SRCIN1: variants seen among roughly 807,000 people sequenced by gnomAD.
SRCIN1 encodes the protein P130Cas-associated protein.
SRCIN1 carries 50 observed loss-of-function variants against 116.2 expected under a neutral mutation model. The ratio of observed to expected loss-of-function variants is 0.43; its 90% CI spans 0.34 to 0.54. The LOEUF is 0.54. Ranked by LOEUF, SRCIN1 falls within the 20% of genes least tolerant of loss-of-function variation. The pLI is 0.02. For synonymous variants in SRCIN1, 736 were observed against 750.0 expected (o/e 0.98, Z 0.30); for missense variants, 1,446 against 1,672.0 (o/e 0.86, Z 2.36).
Position 38,530,719 on chromosome 17 carries a change from C to T in SRCIN1, c.*2578G>A, listed in dbSNP as rs565179354. On this transcript the variant is annotated 3_prime_UTR_variant, in exon 19 of 19. Coordinates refer to ENST00000617146, the MANE Select transcript of SRCIN1 (RefSeq NM_025248.3). ...TCTCTATCCACATGTACGTGGCCCA[C>T]ACACAAGTCTCTGGCTCTCGGCATG... 2 of 152,440 alleles carry T rather than the reference C, an allele frequency of 1.3e-5. No individual in the cohort carries two copies. The highest frequency in any genetic ancestry group is 1.3e-4 in the Admixed American group (2 of 15,314). The allele number at this position is 152,440 out of a possible 1,614,324, so 9.4% of individuals were successfully genotyped here.
intron 1 of SRCIN1, among the ~76,000 whole-genome samples, chr17:38,593,686 G>A (rs1908565113): frequency 6.6e-6 from 1 of 152,122 alleles, no homozygotes; most frequent in African/African-American, 2.4e-5. Flanking sequence ...CTGGCCATCA[G>A]TGTTTTCATT....
At chr17:38,540,736 CAG>C (rs1491254561) in intron 18 of SRCIN1, among the ~76,000 whole-genome samples, 1 of 142,808 alleles carries the variant, frequency 7.0e-6, no homozygotes, top group Non-Finnish European at 1.5e-5. Context: ...TTTAAGCTGG[CAG>C]GGGTGTGTGT....
In SRCIN1 at chr17:38,558,147, C is replaced by T. The variant is rs566513648; in HGVS notation, c.2201+80G>A. The stretch of plus-strand genomic sequence containing the variant: ...CACCTGTGACTCAGAGGGAAGGGAG[C>T]TGCGCCTCCCAGGGAAACCAGGTTG... On this transcript the variant is annotated intron_variant, in intron 11 of 18. Coordinates refer to ENST00000617146, the MANE Select transcript of SRCIN1 (RefSeq NM_025248.3). This position sits in a 1 kb window ranked among gnomAD's most constrained non-coding sequence, Gnocchi z 4.6. 1.7e-5 allele frequency: 26 copies of T among 1,501,420 alleles called. No homozygotes were observed. In the Admixed American group the frequency reaches 4.5e-4, roughly 26 times the overall value. 93.0% of individuals were successfully genotyped at this position (1,501,420 alleles called of 1,614,324 possible).
chr17:38,578,851 C>T, intron 1 of SRCIN1, 60 bp from the exon 2 acceptor site: 1 of 1,431,740 alleles, frequency 7.0e-7, no homozygotes, highest in Non-Finnish European at 9.1e-7. Flanking sequence ...GGCTGCCCAT[C>T]CCCCAAGGGG....
chr17:38,540,929 T>C (rs1254305933), intron 18 of SRCIN1, among the ~76,000 whole-genome samples: 1 of 152,168 alleles, frequency 6.6e-6, no homozygotes, highest in Non-Finnish European at 1.5e-5. Flanking sequence ...TGCTTCTCTA[T>C]ACTTTACTGT....
chr17:38,553,316 G>A (rs943455482), intron 11 of SRCIN1, among the ~76,000 whole-genome samples: 1 of 152,154 alleles, frequency 6.6e-6, no homozygotes, highest in Admixed American at 6.5e-5. Context: ...AATCTGCAAC[G>A]CCAAATCTCA....
chr17:38,599,607 T>C (rs909405371), intron 1 of SRCIN1, among the ~76,000 whole-genome samples: 3 of 152,220 alleles, frequency 2.0e-5, no homozygotes, highest in Admixed American at 6.5e-5. Context: ...TTTATCTTCC[T>C]ATCTAACCTC....
chr17:38,555,069 A>C (rs967686983), intron 11 of SRCIN1, among the ~76,000 whole-genome samples: 1 of 152,210 alleles, frequency 6.6e-6, no homozygotes, highest in African/African-American at 2.4e-5. Flanking sequence ...TTACGCACTT[A>C]CTGTATGCCA....
chr17:38,567,548 T>G (rs764063771), intron 3 of SRCIN1, among the ~76,000 whole-genome samples: 2 of 152,046 alleles, frequency 1.3e-5, no homozygotes, highest in African/African-American at 2.4e-5. Flanking sequence ...TGCCTGGGAC[T>G]TGGGAGGCCA....
chr17:38,547,968 G>A (rs911823515), intron 17 of SRCIN1: 1 of 197,548 alleles, frequency 5.1e-6, no homozygotes, highest in African/African-American at 2.4e-5. Flanking sequence ...CACCCTTGGG[G>A]AGGGTGGCCT....
intron 1 of SRCIN1, among the ~76,000 whole-genome samples, chr17:38,597,799 A>G (rs1265037826): frequency 6.6e-6 from 1 of 152,020 alleles, no homozygotes; most frequent in African/African-American, 2.4e-5. Flanking sequence ...ATTATCTCCT[A>G]TGGGCAATAA....
intron 11 of SRCIN1, among the ~76,000 whole-genome samples, chr17:38,557,795 T>A (rs1431344456): frequency 6.6e-6 from 1 of 152,166 alleles, no homozygotes; most frequent in East Asian, 1.9e-4. Flanking sequence ...GGATCTCCAA[T>A]GATGGCTGGT....
Position 38,572,479 on chromosome 17 carries a change from C to A in SRCIN1, c.325-4248G>T, listed in dbSNP as rs1371099786. On this transcript the variant is annotated intron_variant, in intron 2 of 18. Coordinates refer to ENST00000617146, the MANE Select transcript of SRCIN1 (RefSeq NM_025248.3). The surrounding 1 kb of genome is among the most constrained non-coding windows in gnomAD (Gnocchi z 4.3). The stretch of plus-strand genomic sequence containing the variant: ...TGATTTTGGAGTGGGGGCCGGCCCA[C>A]GCCGAAGGCACCTAATGCGGTGGGG... 6.6e-6 allele frequency among the ~76,000 whole-genome samples: 1 copy of A among 151,982 alleles called. No individual in the cohort carries two copies. Among genetic ancestry groups the A allele is most frequent in the Admixed American group, 6.5e-5 (1 of 15,268 alleles).
In SRCIN1 at chr17:38,564,238, C is replaced by T; in HGVS notation, c.421G>A (p.Ala141Thr). Residue 141 changes from alanine to threonine, a missense_variant, in exon 4 of 19, where the codon GCC (alanine) becomes ACC (threonine). Around this residue, in one of 5 missense-constraint regions of SRCIN1, gnomAD observed 246 missense variants for 265.1 expected, o/e 0.93. Transcript: ENST00000617146. ...DQAAKLSYAS[A>T]ESLETMSEAE... ...TCCGACATGGTCTCCAGCGACTCGG[C>T]GGAGGCGTAGGACAGCTTTGCCGCC... The T allele has an allele frequency of 6.3e-7, 1 of 1,578,606 alleles. No individual in the cohort carries two copies. The highest frequency in any genetic ancestry group is 8.6e-7 in the Non-Finnish European group (1 of 1,163,992).
chr17:38,559,962 G>T, intron 9 of SRCIN1, 92 bp downstream of exon 9: 1 of 1,357,882 alleles, frequency 7.4e-7, no homozygotes, highest in Non-Finnish European at 1.0e-6. Context: ...TTGGGCTAAG[G>T]CCAGTGATGT....
chr17:38,560,201 G>T, intron 8 of SRCIN1, 104 bp from the exon 9 acceptor site: 1 of 1,392,802 alleles, frequency 7.2e-7, no homozygotes, highest in Non-Finnish European at 9.7e-7. Context: ...CCGATCTCAG[G>T]ATGGAGTCCC....
chr17:38,570,619 AG>A (rs11453097), intron 2 of SRCIN1, among the ~76,000 whole-genome samples: 22,098 of 152,280 alleles, frequency 0.15, 1,924 homozygotes, highest in Non-Finnish European at 0.19. Context: ...CATCAGACTC[AG>A]GGTACCTTGT....
chr17:38,574,761 G>C (rs757232552), intron 2 of SRCIN1: 1 of 398,622 alleles, frequency 2.5e-6, no homozygotes, highest in Non-Finnish European at 4.4e-6. Context: ...CTACACCAAA[G>C]AGAAAAGGTT....
At chr17:38,559,502 T>C (rs545766517) in intron 10 of SRCIN1, 83 bp downstream of exon 10, 3 of 1,412,656 alleles carry the variant, frequency 2.1e-6, no homozygotes, top group Admixed American at 1.9e-5. Context: ...GATGAGGTAG[T>C]AGGGGATGGG....
Sources: gnomAD v4.1 joint callset for allele counts (sites outside exome capture counted in the v4.1 genomes callset) on GRCh38, gnomAD v4.1.1 for gene constraint, gnomAD v4.1.1 regional missense constraint, Gnocchi (gnomAD v3.1) non-coding constraint, MANE v1.5 for transcripts, NCBI Gene and HGNC (gene_info 2026-07-23, HGNC 2026-07-21) for gene names.